The following ORC4 variants were observed in gnomAD, a reference collection of about 807,000 sequenced individuals.
ORC4 encodes origin recognition complex subunit 4.
Under a neutral mutation model 63.9 loss-of-function variants are expected in ORC4, and 55 were observed. The observed-to-expected ratio is 0.86, with a 90% CI of 0.69 to 1.08. ORC4 has a LOEUF of 1.08. Ranked by LOEUF, ORC4 falls within the 50% of genes least tolerant of loss-of-function variation. The pLI, the probability that ORC4 is intolerant of heterozygous loss-of-function variation, is 0.00. For synonymous variants in ORC4, 150 were observed against 168.5 expected, an observed-to-expected ratio of 0.89 and a Z score of 0.85; for missense variants, 511 against 504.4, an observed-to-expected ratio of 1.01 and a Z score of -0.13.
At chr2:148,013,767 T>A (rs1693108552) in intron 1 of ORC4, among the ~76,000 whole-genome samples, 1 of 152,102 alleles carries the variant, frequency 6.6e-6, no homozygotes, top group African/African-American at 2.4e-5. Context: ...GCTCAAAGCA[T>A]AAATATATTA....
intron 1 of ORC4, among the ~76,000 whole-genome samples, chr2:148,007,111 C>T (rs956511637): frequency 6.6e-6 from 1 of 152,184 alleles, no homozygotes; most frequent in Admixed American, 6.5e-5. Context: ...GCTTAGGTCA[C>T]AACACTCAAT....
At chr2:147,950,570 G>GC (rs569451694) in intron 8 of ORC4, among the ~76,000 whole-genome samples, 1 of 151,936 alleles carries the variant, frequency 6.6e-6, no homozygotes, top group South Asian at 2.1e-4. Context: ...TTCGAGAGCA[G>GC]CCTGGGCAAC....
chr2:147,994,235 C>T (rs977665372), intron 1 of ORC4, among the ~76,000 whole-genome samples: 2 of 152,152 alleles, frequency 1.3e-5, no homozygotes, highest in Non-Finnish European at 2.9e-5. Context: ...TAAATGAGAT[C>T]ATTCAAGAGT....
At position 147,935,450 on chromosome 2, in the gene ORC4, A is replaced by T; in HGVS notation, c.*60T>A. ...TTAGCATATCATGTTAATGGACAAT[A>T]GTTTTCCGTTCTCTACAGAAGTATG... On this transcript the variant is annotated 3_prime_UTR_variant, in exon 14 of 14. Transcript: ENST00000392857. 8.1e-7 allele frequency: 1 copy of T among 1,232,662 alleles called. No homozygotes were observed. The highest frequency in any genetic ancestry group is 1.2e-6 in the Non-Finnish European group (1 of 834,408). 76.4% of individuals were successfully genotyped at this position (1,232,662 alleles called of 1,614,324 possible). A position where few individuals can be genotyped will look rare whatever the true frequency, so the allele number is the denominator to read the frequency against.
chr2:147,972,890 T>C lies in ORC4; in HGVS notation c.135-61A>G, dbSNP rs956014876. ...GAAGCTGGAATACTTTGTTATGTTG[T>C]AGTTTTTAAAAGGCATATTTGAATA... On this transcript the variant is annotated intron_variant, in intron 3 of 13. Transcript: ENST00000392857. 52 of 1,171,998 alleles carry C rather than the reference T, an allele frequency of 4.4e-5. 1 individual carries two copies. In the South Asian group the frequency reaches 6.6e-4, roughly 15 times the overall value. 72.6% of individuals were successfully genotyped at this position (1,171,998 alleles called of 1,614,324 possible).
chr2:148,013,024 A>T (rs982310675), intron 1 of ORC4, among the ~76,000 whole-genome samples: 1 of 152,216 alleles, frequency 6.6e-6, no homozygotes, highest in African/African-American at 2.4e-5. Context: ...AACAGAGAAC[A>T]GTATGGAGCT....
At chr2:147,951,658 C>A (rs535236745) in intron 8 of ORC4, 2 of 152,190 alleles carry the variant, frequency 1.3e-5, no homozygotes, top group Admixed American at 1.3e-4. Context: ...AAATAAACTT[C>A]TTTTCTTTAA....
Position 147,949,950 on chromosome 2 carries a change from C to T in ORC4, c.589-1726G>A, listed in dbSNP as rs115932510. ...AGCCAGATGACTCTCATAATACCTA[C>T]GTGAAGAAATCATGATATAGAGGAA... On this transcript the variant is annotated intron_variant, in intron 8 of 13. Coordinates refer to ENST00000392857, the MANE Select transcript of ORC4 (RefSeq NM_181741.4). Among the ~76,000 whole-genome samples the T allele has an allele frequency of 5.0e-3, 754 of 151,924 alleles. 18 individuals are homozygous for T. Among genetic ancestry groups the T allele is most frequent in the Admixed American group, 0.039 (602 of 15,264 alleles).
At position 147,935,525 on chromosome 2, in the gene ORC4, T is replaced by G. The variant is rs1194503983; in HGVS notation, c.1296A>C (p.Ser432=). Residue 432 remains serine, a synonymous_variant, in exon 14 of 14, where the codon TCA becomes TCC. Coordinates refer to ENST00000392857, the MANE Select transcript of ORC4 (RefSeq NM_181741.4). ...CTGGTTATATTCATAACCAGCTTAG[T>G]GAGGATGTTGCCCACTGCCTCACAT... ...PTDVRQWATS[S]LSWL is the part of the protein sequence containing the mutation. The G allele has an allele frequency of 9.3e-6, 15 of 1,613,190 alleles. No homozygotes were observed. The highest frequency in any genetic ancestry group is 1.3e-5 in the Non-Finnish European group (15 of 1,179,356).
Position 147,931,026 on chromosome 2 carries a change from T to G in ORC4, c.*4484A>C, listed in dbSNP as rs1468645266. On this transcript the variant is annotated 3_prime_UTR_variant, in exon 14 of 14. Transcript: ENST00000392857. ...CCCCCATCCCCCCACCCCACAACAG[T>G]CCCCAGAGTGTGATATTCCCCTTCC... 3.7e-5 allele frequency: 5 copies of G among 135,234 alleles called. No individual in the cohort carries two copies. Among genetic ancestry groups the G allele is most frequent in the East Asian group, 2.1e-4 (1 of 4,774 alleles). The allele number at this position is 135,234 out of a possible 1,614,324, so 8.4% of individuals were successfully genotyped here.
chr2:148,021,347 A>T, upstream of ORC4: 1 of 363,780 alleles, frequency 2.7e-6, no homozygotes, highest in Non-Finnish European at 5.5e-6. Context: ...CACGACTCCT[A>T]CCCCCTCACC....
intron 10 of ORC4, among the ~76,000 whole-genome samples, chr2:147,942,651 A>G (rs932355827): frequency 1.3e-5 from 2 of 152,156 alleles, no homozygotes; most frequent in Non-Finnish European, 2.9e-5. Flanking sequence ...CTTAATGGTA[A>G]AAGTTTGAAT....
intron 4 of ORC4, among the ~76,000 whole-genome samples, chr2:147,965,786 CAGA>C: frequency 6.6e-6 from 1 of 152,140 alleles, no homozygotes; most frequent in Non-Finnish European, 1.5e-5. Context: ...CATCAGCACA[CAGA>C]AGATTCTCCA....
Position 147,930,913 on chromosome 2 carries a change from A to T in ORC4, c.*4597T>A, listed in dbSNP as rs1396406531. On this transcript the variant is annotated 3_prime_UTR_variant, in exon 14 of 14. Transcript: ENST00000392857. ...GGTACATGTGCACATTGTGCAGGTT[A>T]GTTACATAGGTATACATGTGCCATG... 1.3e-5 allele frequency: 2 copies of T among 149,090 alleles called. No homozygotes were observed. The highest frequency in any genetic ancestry group is 5.0e-5 in the African/African-American group (2 of 40,214). 9.2% of individuals were successfully genotyped at this position (149,090 alleles called of 1,614,324 possible).
intron 1 of ORC4, among the ~76,000 whole-genome samples, chr2:147,997,401 G>T (rs1020476090): frequency 6.6e-6 from 1 of 152,080 alleles, no homozygotes; most frequent in African/African-American, 2.4e-5. Context: ...CGTTTTTAAA[G>T]AAATAAGACA....
At chr2:147,964,235 T>C (rs1689771378) in intron 4 of ORC4, among the ~76,000 whole-genome samples, 1 of 152,022 alleles carries the variant, frequency 6.6e-6, no homozygotes. Flanking sequence ...AACTTGTGAT[T>C]CGAATAAGAA....
intron 4 of ORC4, among the ~76,000 whole-genome samples, chr2:147,962,746 C>A (rs1254958313): frequency 6.6e-6 from 1 of 152,082 alleles, no homozygotes; most frequent in African/African-American, 2.4e-5. Flanking sequence ...ACTGGCAGAG[C>A]GGCTATGCAC....
At chr2:147,989,581 C>G (rs1212385607) in intron 1 of ORC4, among the ~76,000 whole-genome samples, 1 of 152,002 alleles carries the variant, frequency 6.6e-6, no homozygotes, top group Non-Finnish European at 1.5e-5. Flanking sequence ...TGGCACGTGC[C>G]TGTAATCCCA....
At chr2:148,009,818 T>A (rs1241805547) in intron 1 of ORC4, among the ~76,000 whole-genome samples, 2 of 152,118 alleles carry the variant, frequency 1.3e-5, no homozygotes, top group African/African-American at 4.8e-5. Flanking sequence ...AATTCTCCAA[T>A]CAAAAGACAC....
Sources: allele counts gnomAD v4.1 joint callset (sites outside exome capture counted in the v4.1 genomes callset), GRCh38; gene constraint gnomAD v4.1.1; transcripts MANE v1.5; gene names NCBI Gene and HGNC (gene_info 2026-07-23, HGNC 2026-07-21).